The following ANK3 variants were observed in gnomAD, a reference collection of about 807,000 sequenced individuals.
ANK3 encodes the protein ankyrin 3.
In ANK3, 57 loss-of-function variants were observed where a neutral mutation model predicts 370.9. That is an observed-to-expected ratio of 0.15 (90% CI 0.12 to 0.19). The LOEUF (loss-of-function observed/expected upper bound fraction) is 0.19, where lower values mean the gene tolerates loss of function less well. Among genes scored for constraint, ANK3 ranks in the 10% least tolerant of loss-of-function variants. ANK3 has a pLI of 1.00. For missense variants in ANK3, 4,439 were observed against 5,302.1 expected, an observed-to-expected ratio of 0.84 and a Z score of 5.06; for synonymous variants, 1,929 against 1,946.3, an observed-to-expected ratio of 0.99 and a Z score of 0.23.
At chr10:60,336,092 G>T (rs1277955897) in intron 1 of ANK3, among the ~76,000 whole-genome samples, 1 of 148,194 alleles carries the variant, frequency 6.7e-6, no homozygotes, top group African/African-American at 2.6e-5. Context: ...TAGTTTGGCG[G>T]GGGGGGGAAG....
At chr10:60,084,420 T>G (rs2086151246) in intron 32 of ANK3, 182 bp downstream of exon 32, 1 of 307,452 alleles carries the variant, frequency 3.3e-6, no homozygotes. Context: ...AAAAAAAAAT[T>G]AAATTAAATT....
At chr10:60,375,481 C>T (rs1454674909) in intron 1 of ANK3, among the ~76,000 whole-genome samples, 2 of 151,822 alleles carry the variant, frequency 1.3e-5, no homozygotes, top group Non-Finnish European at 2.9e-5. Flanking sequence ...CAAAGGTAAC[C>T]CATTAAGGCC....
At chr10:60,377,927 T>C (rs2061016845) in intron 1 of ANK3, among the ~76,000 whole-genome samples, 1 of 152,230 alleles carries the variant, frequency 6.6e-6, no homozygotes. Flanking sequence ...TTATCGTAAA[T>C]TGAACCTAAC....
At chr10:60,676,813 C>T (rs567821057) in intron 1 of ANK3, among the ~76,000 whole-genome samples, 4 of 152,246 alleles carry the variant, frequency 2.6e-5, no homozygotes, top group East Asian at 3.9e-4. Flanking sequence ...AGGATAAGTG[C>T]TAGTGTTCTT....
chr10:60,054,133 G>A (rs946998055), intron 42 of ANK3, among the ~76,000 whole-genome samples: 5 of 152,098 alleles, frequency 3.3e-5, no homozygotes, highest in Admixed American at 6.5e-5. Flanking sequence ...CACACACAGC[G>A]GTGTTTATAT....
intron 1 of ANK3, among the ~76,000 whole-genome samples, chr10:60,336,564 G>GATCGATCTATCTATCT (rs768570797): frequency 4.7e-4 from 71 of 150,576 alleles, no homozygotes; most frequent in African/African-American, 1.7e-3. Flanking sequence ...GGAATCTGGA[G>GATCGATCTATCTATCT]ATCTATCTAT....
At chr10:60,085,293 A>T in intron 30 of ANK3, 40 bp from the exon 31 acceptor site, 1 of 1,494,070 alleles carries the variant, frequency 6.7e-7, no homozygotes, top group East Asian at 2.3e-5. Flanking sequence ...TTATCATGGG[A>T]GATGCTCCTT....
intron 1 of ANK3, among the ~76,000 whole-genome samples, chr10:60,661,127 TA>T (rs936509309): frequency 2.0e-5 from 3 of 149,858 alleles, no homozygotes; most frequent in African/African-American, 7.3e-5. Flanking sequence ...GTAATGGGGC[TA>T]GGGGTAGAGC....
At chr10:60,054,138 TTA>T (rs1457329885) in intron 42 of ANK3, among the ~76,000 whole-genome samples, 1 of 152,202 alleles carries the variant, frequency 6.6e-6, no homozygotes, top group Non-Finnish European at 1.5e-5. Context: ...ACAGCGGTGT[TTA>T]TATGTGTTTG....
intron 1 of ANK3, among the ~76,000 whole-genome samples, chr10:60,381,621 C>T (rs949620397): frequency 5.3e-5 from 8 of 152,134 alleles, no homozygotes; most frequent in Non-Finnish European, 8.8e-5. Context: ...AGTTCTTCCA[C>T]GTCATTCTTG....
In ANK3 at chr10:60,329,538, T is replaced by C. The variant is rs533269078; in HGVS notation, c.115-49899A>G. On this transcript the variant is annotated intron_variant, in intron 1 of 43. Coordinates refer to ENST00000280772, the MANE Select transcript of ANK3 (RefSeq NM_020987.5). ...TGAGTGAACTCCCATTCACAATTGG[T>C]ACAAAGAGATTAAAATACCTAGGAA... 3.9e-5 allele frequency among the ~76,000 whole-genome samples: 6 copies of C among 152,128 alleles called. No individual in the cohort carries two copies. The South Asian group carries it at 1.2e-3, about 32-fold the overall frequency.
At chr10:60,130,377 T>C (rs2093995199) in intron 25 of ANK3, among the ~76,000 whole-genome samples, 1 of 151,846 alleles carries the variant, frequency 6.6e-6, no homozygotes, top group African/African-American at 2.4e-5. Context: ...AACTGTACTT[T>C]GTATGAGTGA....
intron 2 of ANK3, among the ~76,000 whole-genome samples, chr10:60,510,009 C>A (rs1262290106): frequency 6.6e-6 from 1 of 152,038 alleles, no homozygotes; most frequent in Non-Finnish European, 1.5e-5. Flanking sequence ...TTAGAGCTGT[C>A]TTCAGACATT....
At chr10:60,190,971 A>C (rs1280491863) in intron 16 of ANK3, among the ~76,000 whole-genome samples, 23 of 152,200 alleles carry the variant, frequency 1.5e-4, no homozygotes. Flanking sequence ...GTTAACAAAA[A>C]CAAACACAGA....
At chr10:60,657,816 G>A (rs1036598095) in intron 1 of ANK3, among the ~76,000 whole-genome samples, 3 of 151,942 alleles carry the variant, frequency 2.0e-5, no homozygotes, top group African/African-American at 7.3e-5. Context: ...ATTACTAAGA[G>A]ATGTGTCTGT....
Position 60,062,864 on chromosome 10 carries a change from A to C in ANK3, c.12595+247T>G, listed in dbSNP as rs12354956. ...ACTTTTATGAAATATTAGAAATACC[A>C]ACTCTTTCAGATACCTTAGGCGTTC... On this transcript the variant is annotated intron_variant, in intron 40 of 43. Coordinates refer to ENST00000280772, the MANE Select transcript of ANK3 (RefSeq NM_020987.5). 52,533 of 290,428 alleles carry C rather than the reference A, an allele frequency of 0.18. 5,560 individuals are homozygous for C. The highest frequency in any genetic ancestry group is 0.22 in the Non-Finnish European group (35,421 of 159,172). 18.0% of individuals were successfully genotyped at this position (290,428 alleles called of 1,614,324 possible).
At chr10:60,624,913 A>C (rs2078387548) in intron 1 of ANK3, among the ~76,000 whole-genome samples, 1 of 152,204 alleles carries the variant, frequency 6.6e-6, no homozygotes. Flanking sequence ...TTTGAGGAGA[A>C]CAAGGTGAAG....
intron 1 of ANK3, among the ~76,000 whole-genome samples, chr10:60,385,753 G>C (rs1184555018): frequency 2.6e-5 from 4 of 152,100 alleles, no homozygotes; most frequent in African/African-American, 9.7e-5. Context: ...CCTATCTGTT[G>C]AGAGCAAACT....
intron 2 of ANK3, among the ~76,000 whole-genome samples, chr10:60,571,615 C>T (rs540687642): frequency 1.3e-5 from 2 of 152,192 alleles, no homozygotes; most frequent in East Asian, 1.9e-4. Context: ...AGCTATAATC[C>T]TATTTTAGAT....
Sources: allele counts gnomAD v4.1 joint callset (sites outside exome capture counted in the v4.1 genomes callset), GRCh38; gene constraint gnomAD v4.1.1; transcripts MANE v1.5; gene names NCBI Gene and HGNC (gene_info 2026-07-23, HGNC 2026-07-21).